Variants in GPC5 observed in about 807,000 individuals in gnomAD.
GPC5 encodes glypican 5, also known as glypican-5.
GPC5 carries 47 observed loss-of-function variants against 53.9 expected under a neutral mutation model. The ratio of observed to expected loss-of-function variants is 0.87; its 90% CI spans 0.69 to 1.11. GPC5 has a LOEUF of 1.11. GPC5 is among the 50% of genes most tolerant of loss of function. The probability of loss-of-function intolerance (pLI) is 0.00; values close to 1 mark genes in which losing one functional copy is unlikely to be tolerated. For synonymous variants in GPC5, 286 were observed against 263.3 expected, an observed-to-expected ratio of 1.09 and a Z score of -0.84; for missense variants, 748 against 713.1, an observed-to-expected ratio of 1.05 and a Z score of -0.56.
intron 7 of GPC5, among the ~76,000 whole-genome samples, chr13:92,432,832 G>A (rs1877152138): frequency 6.6e-6 from 1 of 151,948 alleles, no homozygotes; most frequent in African/African-American, 2.4e-5. Context: ...AATGAGTTGG[G>A]TTTCTTTTCC....
intron 2 of GPC5, among the ~76,000 whole-genome samples, chr13:91,671,030 A>T (rs1170688965): frequency 6.6e-6 from 1 of 152,192 alleles, no homozygotes; most frequent in Non-Finnish European, 1.5e-5. Flanking sequence ...AGAAGTAATC[A>T]CAAAGGATAG....
At chr13:91,765,450 G>T (rs965199674) in intron 5 of GPC5, among the ~76,000 whole-genome samples, 4 of 152,136 alleles carry the variant, frequency 2.6e-5, no homozygotes, top group African/African-American at 9.7e-5. Context: ...CCTTGTTCTT[G>T]GCTGAAATGG....
intron 7 of GPC5, among the ~76,000 whole-genome samples, chr13:92,185,632 G>A (rs1030615263): frequency 6.6e-6 from 1 of 151,896 alleles, no homozygotes; most frequent in Non-Finnish European, 1.5e-5. Context: ...TTATGATTTG[G>A]TTTTAATAAT....
At chr13:92,284,418 C>T (rs942041792) in intron 7 of GPC5, among the ~76,000 whole-genome samples, 2 of 152,132 alleles carry the variant, frequency 1.3e-5, no homozygotes, top group Admixed American at 6.6e-5. Context: ...GATACCAAAG[C>T]CTGACAGAGG....
intron 7 of GPC5, among the ~76,000 whole-genome samples, chr13:92,221,440 C>T (rs889928544): frequency 6.6e-6 from 1 of 152,094 alleles, no homozygotes; most frequent in Non-Finnish European, 1.5e-5. Context: ...TTAGTTTGGG[C>T]TCTGGCATAT....
chr13:92,707,698 A>G (rs558184134), intron 7 of GPC5, among the ~76,000 whole-genome samples: 1 of 152,236 alleles, frequency 6.6e-6, no homozygotes, highest in South Asian at 2.1e-4. Flanking sequence ...CCAGGTTGTA[A>G]TGAAAACACC....
intron 7 of GPC5, among the ~76,000 whole-genome samples, chr13:92,196,996 A>G (rs563163048): frequency 6.6e-6 from 1 of 152,370 alleles, no homozygotes; most frequent in East Asian, 1.9e-4. Flanking sequence ...CACTGGAAAC[A>G]ATATGAATCG....
chr13:92,323,785 C>T (rs2043231679), intron 7 of GPC5, among the ~76,000 whole-genome samples: 1 of 151,668 alleles, frequency 6.6e-6, no homozygotes. Flanking sequence ...TCATATTTCT[C>T]ATATACAAAA....
chr13:91,990,600 A>T (rs1224248015), intron 6 of GPC5, among the ~76,000 whole-genome samples: 5 of 152,172 alleles, frequency 3.3e-5, no homozygotes, highest in African/African-American at 9.6e-5. Context: ...TTAAAAATAT[A>T]TTTTTGTATC....
intron 7 of GPC5, among the ~76,000 whole-genome samples, chr13:92,246,600 T>A (rs2042652616): frequency 1.3e-5 from 2 of 152,156 alleles, no homozygotes; most frequent in Admixed American, 1.3e-4. Flanking sequence ...CTACTATTTC[T>A]GAAAAACAAC....
At chr13:92,755,008 C>A (rs1422771706) in intron 7 of GPC5, among the ~76,000 whole-genome samples, 1 of 152,100 alleles carries the variant, frequency 6.6e-6, no homozygotes, top group African/African-American at 2.4e-5. Context: ...ACTCTCCACC[C>A]CAAATCAACA....
intron 4 of GPC5, among the ~76,000 whole-genome samples, chr13:91,745,993 C>G (rs1009890408): frequency 6.6e-6 from 1 of 152,122 alleles, no homozygotes; most frequent in African/African-American, 2.4e-5. Flanking sequence ...CTAAAGACTT[C>G]TCTAAATATT....
intron 7 of GPC5, among the ~76,000 whole-genome samples, chr13:92,309,876 T>C (rs1211383817): frequency 1.3e-5 from 2 of 152,104 alleles, no homozygotes; most frequent in Admixed American, 6.6e-5. Context: ...ACTTGGTGTC[T>C]TTTGTGCAAC....
intron 7 of GPC5, among the ~76,000 whole-genome samples, chr13:92,385,461 C>CACATATAT (rs1405591533): frequency 0.12 from 8,599 of 69,628 alleles, 1,723 homozygotes; most frequent in Non-Finnish European, 0.17. Context: ...TACATATATA[C>CACATATAT]ACATATATAC....
At chr13:91,562,188 T>TAAAAAAAAAAAAAAAAAAAAAAAAAAAAA (rs10603242) in intron 2 of GPC5, among the ~76,000 whole-genome samples, 1 of 45,058 alleles carries the variant, frequency 2.2e-5, no homozygotes, top group African/African-American at 8.5e-5. Context: ...GGAGCAACAG[T>TAAAAAAAAAAAAAAAAAAAAAAAAAAAAA]AAAAAAAAAA....
chr13:92,159,371 C>T (rs1448442509), intron 7 of GPC5, among the ~76,000 whole-genome samples: 1 of 152,078 alleles, frequency 6.6e-6, no homozygotes. Context: ...AGGATAAACC[C>T]GTTGAAGGGA....
rs1358889868 is a variant in GPC5, at chr13:91,405,337, A to C, written c.163+6128A>C. Among the ~76,000 whole-genome samples, 5 of 152,174 alleles carry C rather than the reference A, an allele frequency of 3.3e-5. No individual in the cohort carries two copies. The South Asian group carries it at 8.3e-4, about 25-fold the overall frequency. On this transcript the variant is annotated intron_variant, in intron 1 of 7. Transcript: ENST00000377067. ...ACCAATAGCATTACCACTCTCCACC[A>C]AGTCGTGATGACCAAAAATGACTCC...
intron 2 of GPC5, among the ~76,000 whole-genome samples, chr13:91,459,473 G>T (rs1162114882): frequency 8.4e-6 from 1 of 119,424 alleles, no homozygotes; most frequent in African/African-American, 3.3e-5. Context: ...AGTAAGAAAA[G>T]AATTGAAGCC....
At chr13:91,830,437 C>T (rs1449756566) in intron 5 of GPC5, among the ~76,000 whole-genome samples, 1 of 151,842 alleles carries the variant, frequency 6.6e-6, no homozygotes, top group Non-Finnish European at 1.5e-5. Flanking sequence ...CAACATACAT[C>T]CTCCTCAGCT....
Sources: gnomAD v4.1 joint callset for allele counts (sites outside exome capture counted in the v4.1 genomes callset) on GRCh38, gnomAD v4.1.1 for gene constraint, MANE v1.5 for transcripts, NCBI Gene and HGNC (gene_info 2026-07-23, HGNC 2026-07-21) for gene names.